DIPK1A: variants seen among roughly 807,000 people sequenced by gnomAD.
The protein encoded by DIPK1A is family with sequence similarity 69 member A.
A neutral mutation model predicts 40.8 loss-of-function variants in DIPK1A; 27 were observed. The ratio of observed to expected loss-of-function variants is 0.66; its 90% CI spans 0.49 to 0.91. The LOEUF is 0.91. Ranked by LOEUF, DIPK1A falls within the 40% of genes least tolerant of loss-of-function variation. The pLI, the probability that DIPK1A is intolerant of heterozygous loss-of-function variation, is 0.00. For missense variants in DIPK1A, 412 were observed against 505.7 expected, an observed-to-expected ratio of 0.81 and a Z score of 1.78; for synonymous variants, 166 against 171.3, an observed-to-expected ratio of 0.97 and a Z score of 0.24.
Position 92,876,322 on chromosome 1 carries a change from T to A in DIPK1A, c.163A>T (p.Arg55Ter), listed in dbSNP as rs772635993. 6.3e-7 allele frequency: 1 copy of A among 1,580,000 alleles called. No homozygotes were observed. The highest frequency in any genetic ancestry group is 1.4e-5 in the African/African-American group (1 of 73,714). The change falls in exon 2 of 5, where the codon AGA becomes TGA. Residue 55 changes from arginine (R) to a stop codon, truncating the protein, a stop_gained. Coordinates refer to ENST00000370310, the MANE Select transcript of DIPK1A (RefSeq NM_001006605.5). LOFTEE classifies it high-confidence loss of function. ...VQYSTYTELC[R>*]GKDCKKIICD... ...ATTATTTTCTTACAGTCCTTTCCTC[T>A]GCATAATTCTGTATAGGTAGAATAC...
At chr1:92,871,513 G>A (rs967006055) in intron 2 of DIPK1A, among the ~76,000 whole-genome samples, 1 of 151,832 alleles carries the variant, frequency 6.6e-6, no homozygotes, top group African/African-American at 2.4e-5. Flanking sequence ...TTTGGAAATG[G>A]TACACTCTTT....
chr1:92,841,885 T>A, downstream of DIPK1A: 1 of 1,566,368 alleles, frequency 6.4e-7, no homozygotes, highest in Admixed American at 1.7e-5. Context: ...TTTTCTATGA[T>A]TTTTTCAGAT....
chr1:92,839,002 A>G (rs762978692), downstream of DIPK1A, among the ~76,000 whole-genome samples: 7 of 149,910 alleles, frequency 4.7e-5, no homozygotes, highest in Non-Finnish European at 1.0e-4. Flanking sequence ...GTAGTGGGCT[A>G]TAATTATTAG....
chr1:92,868,756 A>G (rs942139345), intron 2 of DIPK1A, among the ~76,000 whole-genome samples: 1 of 152,152 alleles, frequency 6.6e-6, no homozygotes, highest in Non-Finnish European at 1.5e-5. Context: ...ACCTGAGGTC[A>G]GGAGTTCGAG....
At chr1:92,881,015 C>T (rs2481711) in intron 1 of DIPK1A, among the ~76,000 whole-genome samples, 102,948 of 150,338 alleles carry the variant, frequency 0.68, 35,723 homozygotes, top group East Asian at 0.95. Context: ...CACACTGAAA[C>T]CCATAAAATT....
downstream of DIPK1A, chr1:92,837,482 C>T (rs1687175275): frequency 6.2e-7 from 1 of 1,613,134 alleles, no homozygotes; most frequent in Non-Finnish European, 8.5e-7. Flanking sequence ...GGTTATGATT[C>T]TGAAAGCAAG....
intron 1 of DIPK1A, among the ~76,000 whole-genome samples, chr1:92,961,018 C>G (rs1178488783): frequency 6.6e-6 from 1 of 152,320 alleles, no homozygotes; most frequent in South Asian, 2.1e-4. Flanking sequence ...GAAGGCGGCC[C>G]GTCGAGCTCC....
At chr1:92,916,591 T>C (rs1650064259) in intron 1 of DIPK1A, among the ~76,000 whole-genome samples, 1 of 152,150 alleles carries the variant, frequency 6.6e-6, no homozygotes, top group African/African-American at 2.4e-5. Context: ...CATGAGCCAC[T>C]GCACCCGGCC....
chr1:92,956,532 C>T (rs931559886), intron 1 of DIPK1A, among the ~76,000 whole-genome samples: 16 of 152,170 alleles, frequency 1.1e-4, no homozygotes, highest in African/African-American at 3.9e-4. Flanking sequence ...ACCATAGGCT[C>T]TAATTATCCT....
At chr1:92,884,554 T>G (rs1331972274) in intron 1 of DIPK1A, among the ~76,000 whole-genome samples, 2 of 152,178 alleles carry the variant, frequency 1.3e-5, no homozygotes, top group Non-Finnish European at 2.9e-5. Flanking sequence ...GAATCTTAAC[T>G]GAAGATTCAG....
chr1:92,836,199 A>C, intron 4 of DIPK1A: 1 of 1,612,312 alleles, frequency 6.2e-7, no homozygotes, highest in South Asian at 1.1e-5. Flanking sequence ...GCTTCTCAAT[A>C]GGTTTGGCAT....
chr1:92,954,885 A>T (rs774174417), intron 1 of DIPK1A, among the ~76,000 whole-genome samples: 2 of 152,226 alleles, frequency 1.3e-5, no homozygotes, highest in Non-Finnish European at 2.9e-5. Context: ...ACCTGCACAC[A>T]GATGTTTATG....
chr1:92,833,203 C>T (rs1023161369), intron 4 of DIPK1A: 1 of 651,834 alleles, frequency 1.5e-6, no homozygotes, highest in Non-Finnish European at 2.8e-6. Context: ...AACTACTAGT[C>T]TGTGACATGG....
rs1276460380 is a variant in DIPK1A, at chr1:92,851,553, A to AAAAAAAAAG, written c.190-599_190-598insCTTTTTTTT. On this transcript the variant is annotated intron_variant, in intron 2 of 4. Transcript: ENST00000370310. ...GTGAGACCCTATCTCAAAAAAAAAA[A>AAAAAAAAAG]AAAAAAAAACTTCTGGTTTTAAAAT... Among the ~76,000 whole-genome samples, 53 of 95,052 alleles carry AAAAAAAAAG rather than the reference A, an allele frequency of 5.6e-4. 1 individual carries two copies. The highest frequency in any genetic ancestry group is 1.7e-3 in the African/African-American group (50 of 30,214). The allele number at this position is 95,052 out of a possible 152,430, so 62.4% of individuals were successfully genotyped here.
chr1:92,907,423 G>C (rs956882653), intron 1 of DIPK1A, among the ~76,000 whole-genome samples: 1 of 152,094 alleles, frequency 6.6e-6, no homozygotes, highest in South Asian at 2.1e-4. Flanking sequence ...AATGTTCTGT[G>C]CTTTAATTTT....
downstream of DIPK1A, chr1:92,842,011 T>C (rs926101812): frequency 2.7e-5 from 22 of 821,920 alleles, no homozygotes; most frequent in South Asian, 4.6e-5. Context: ...CAGGTTTTTT[T>C]CTCCAAGAAA....
intron 1 of DIPK1A, among the ~76,000 whole-genome samples, chr1:92,890,626 T>G (rs1648823202): frequency 6.6e-6 from 1 of 152,250 alleles, no homozygotes; most frequent in Admixed American, 6.5e-5. Context: ...TTTACTGATT[T>G]GTGTACGTTG....
At chr1:92,918,771 G>A (rs1650154952) in intron 1 of DIPK1A, among the ~76,000 whole-genome samples, 1 of 152,156 alleles carries the variant, frequency 6.6e-6, no homozygotes, top group Admixed American at 6.6e-5. Context: ...TGCAACAGAT[G>A]GGGTGGGGAG....
At chr1:92,833,840 C>G (rs190725000) in intron 4 of DIPK1A, 1 of 608,418 alleles carries the variant, frequency 1.6e-6, no homozygotes. Context: ...TTAAAAAATG[C>G]TCTTGGTTGC....
Sources: allele counts gnomAD v4.1 joint callset (sites outside exome capture counted in the v4.1 genomes callset), GRCh38; gene constraint gnomAD v4.1.1; transcripts MANE v1.5; gene names NCBI Gene and HGNC (gene_info 2026-07-23, HGNC 2026-07-21).